AGBL3: variants seen among roughly 807,000 people sequenced by gnomAD.
AGBL3 encodes cytosolic carboxypeptidase 3.
AGBL3 carries 68 observed loss-of-function variants against 94.5 expected under a neutral mutation model. The ratio of observed to expected loss-of-function variants is 0.72; its 90% confidence interval spans 0.59 to 0.88. The LOEUF (loss-of-function observed/expected upper bound fraction) is 0.88. AGBL3 is among the 40% of genes least tolerant of loss of function. The probability of loss-of-function intolerance (pLI) is 0.00; values close to 1 mark genes in which losing one functional copy is unlikely to be tolerated. For synonymous variants in AGBL3, 354 were observed against 370.7 expected (o/e 0.95, Z 0.52); for missense variants, 934 against 1,103.8 (o/e 0.85, Z 2.18).
intron 5 of AGBL3, among the ~76,000 whole-genome samples, chr7:135,025,098 T>C (rs918502432): frequency 6.6e-6 from 1 of 151,420 alleles, no homozygotes; most frequent in Non-Finnish European, 1.5e-5. Context: ...GAGGTTAACA[T>C]GAAAATTCAA....
chr7:135,106,193 G>A (rs80331157), intron 15 of AGBL3, among the ~76,000 whole-genome samples: 106 of 152,206 alleles, frequency 7.0e-4, no homozygotes, highest in Non-Finnish European at 1.3e-3. Context: ...TCTGAATTCC[G>A]CTCTTCCTAT....
At chr7:135,129,591 C>T in intron 16 of AGBL3, 4 of 772,380 alleles carry the variant, frequency 5.2e-6, no homozygotes, top group Middle Eastern at 3.6e-4. Flanking sequence ...TAGAGCAAAC[C>T]CTTACAAACA....
In AGBL3 at chr7:135,044,124, G is replaced by A. The variant is rs750443981; in HGVS notation, c.1600G>A (p.Glu534Lys). The change falls in exon 9 of 17, where the codon GAG (glutamate) becomes AAG (lysine). Residue 534 changes from glutamate (E) to lysine (K), a missense_variant. Transcript: ENST00000436302. Reference protein sequence around the residue: ...KMGIRNSFTMEATFCGSTLGN... With the variant: ...KMGIRNSFTMKATFCGSTLGN... ...GGGAATCAGGAACAGCTTTACCATG[G>A]AGGCCACCTTCTGTGGATCTACTCT... is the stretch of plus-strand genomic sequence containing the variant. 1.3e-6 allele frequency: 2 copies of A among 1,550,410 alleles called. No homozygotes were observed. The highest frequency in any genetic ancestry group is 1.7e-6 in the Non-Finnish European group (2 of 1,146,154).
intron 4 of AGBL3, among the ~76,000 whole-genome samples, chr7:135,014,661 A>C (rs1030548753): frequency 6.6e-6 from 1 of 152,176 alleles, no homozygotes; most frequent in Non-Finnish European, 1.5e-5. Flanking sequence ...AAAATGAAAC[A>C]TATGGTGAAG....
At chr7:135,008,793 T>C (rs968216564) in intron 4 of AGBL3, among the ~76,000 whole-genome samples, 3 of 152,104 alleles carry the variant, frequency 2.0e-5, no homozygotes, top group African/African-American at 7.2e-5. Flanking sequence ...CAACTCAATA[T>C]TAAAAAGACA....
intron 15 of AGBL3, among the ~76,000 whole-genome samples, chr7:135,082,267 G>T (rs914915420): frequency 6.6e-6 from 1 of 152,032 alleles, no homozygotes; most frequent in Non-Finnish European, 1.5e-5. Flanking sequence ...AAACCTTAAA[G>T]GTAAATAATT....
chr7:135,006,220 TA>T (rs1370853503), intron 4 of AGBL3, among the ~76,000 whole-genome samples: 1 of 151,762 alleles, frequency 6.6e-6, no homozygotes, highest in Non-Finnish European at 1.5e-5. Flanking sequence ...TTTTTATTTT[TA>T]TTTTTTTTAA....
intron 5 of AGBL3, among the ~76,000 whole-genome samples, chr7:135,028,951 A>G (rs1815438422): frequency 6.6e-6 from 1 of 152,236 alleles, no homozygotes; most frequent in African/African-American, 2.4e-5. Context: ...GACTAGATGC[A>G]TTGTCAATAA....
intron 15 of AGBL3, among the ~76,000 whole-genome samples, chr7:135,091,984 C>A (rs1385616722): frequency 6.6e-6 from 1 of 152,168 alleles, no homozygotes; most frequent in Non-Finnish European, 1.5e-5. Context: ...AGAATTTAAT[C>A]TTTAAATCAT....
At chr7:135,063,380 C>A (rs1819009621) in intron 12 of AGBL3, among the ~76,000 whole-genome samples, 1 of 151,984 alleles carries the variant, frequency 6.6e-6, no homozygotes, top group Admixed American at 6.6e-5. Context: ...TTTCTGCTAA[C>A]TCCATGCTTA....
chr7:135,134,561 G>T (rs1829216848), intron 16 of AGBL3, among the ~76,000 whole-genome samples: 1 of 151,988 alleles, frequency 6.6e-6, no homozygotes, highest in Non-Finnish European at 1.5e-5. Flanking sequence ...TAGGTAAGGA[G>T]CTGGGGCCCA....
intron 12 of AGBL3, among the ~76,000 whole-genome samples, chr7:135,073,826 C>A (rs1051461392): frequency 6.6e-6 from 1 of 152,120 alleles, no homozygotes; most frequent in African/African-American, 2.4e-5. Flanking sequence ...GCGATTAGGT[C>A]AGGGGTCGAT....
chr7:135,068,509 GA>G (rs1242462079), intron 12 of AGBL3, among the ~76,000 whole-genome samples: 2 of 151,928 alleles, frequency 1.3e-5, no homozygotes, highest in African/African-American at 2.4e-5. Context: ...CCCACAAAGG[GA>G]AGCCCATCAG....
chr7:135,094,368 G>T, intron 15 of AGBL3: 1 of 456,684 alleles, frequency 2.2e-6, no homozygotes, highest in South Asian at 1.5e-5. Context: ...TCACTGCTGA[G>T]ATCTGCTTGT....
At chr7:135,080,327 C>T (rs963402407) in intron 14 of AGBL3, 67 bp downstream of exon 14, 1 of 1,375,948 alleles carries the variant, frequency 7.3e-7, no homozygotes. Flanking sequence ...TTTTTGGTGC[C>T]ACAACTTTGA....
chr7:135,015,242 C>T (rs569607595), intron 4 of AGBL3, among the ~76,000 whole-genome samples: 4 of 152,122 alleles, frequency 2.6e-5, no homozygotes, highest in Admixed American at 6.5e-5. Context: ...ACTTAAACAA[C>T]GCTTGCTCGA....
At chr7:135,066,005 G>T (rs1303875769) in intron 12 of AGBL3, among the ~76,000 whole-genome samples, 1 of 152,114 alleles carries the variant, frequency 6.6e-6, no homozygotes, top group East Asian at 1.9e-4. Context: ...TTAAACGTAA[G>T]ACCTGAAACC....
intron 16 of AGBL3, among the ~76,000 whole-genome samples, chr7:135,116,376 C>T (rs1472003170): frequency 9.9e-5 from 15 of 152,154 alleles, no homozygotes; most frequent in Admixed American, 9.2e-4. Flanking sequence ...GACCAATATA[C>T]TTAATATACA....
intron 16 of AGBL3, chr7:135,129,579 T>G: frequency 1.3e-6 from 1 of 771,958 alleles, no homozygotes; most frequent in Non-Finnish European, 2.4e-6. Flanking sequence ...GAGTTCTCTC[T>G]CTAGAGCAAA....
Sources: gnomAD v4.1 joint callset for allele counts (sites outside exome capture counted in the v4.1 genomes callset) on GRCh38, gnomAD v4.1.1 for gene constraint, MANE v1.5 for transcripts, NCBI Gene and HGNC (gene_info 2026-07-23, HGNC 2026-07-21) for gene names.